CCDC7: variants seen among roughly 807,000 people sequenced by gnomAD.
The protein encoded by CCDC7 is coiled-coil domain-containing protein 7.
CCDC7 carries 183 observed loss-of-function variants against 196.9 expected under a neutral mutation model. The observed-to-expected ratio is 0.93, with a 90% confidence interval of 0.82 to 1.05. The LOEUF (loss-of-function observed/expected upper bound fraction) is 1.05. Ranked by LOEUF, CCDC7 falls within the 50% of genes least tolerant of loss-of-function variation. The pLI, the probability that CCDC7 is intolerant of heterozygous loss-of-function variation, is 0.00. For missense variants in CCDC7, 1,540 were observed against 1,482.2 expected (o/e 1.04, Z -0.64); for synonymous variants, 525 against 484.6 (o/e 1.08, Z -1.10).
intron 5 of CCDC7, among the ~76,000 whole-genome samples, chr10:32,469,923 TGAA>T (rs1429195647): frequency 2.6e-5 from 4 of 152,090 alleles, no homozygotes; most frequent in Admixed American, 2.0e-4. Flanking sequence ...GACAAGACAA[TGAA>T]GAATAGATTT....
chr10:32,457,978 G>A (rs1377802886), intron 3 of CCDC7, among the ~76,000 whole-genome samples: 1 of 151,618 alleles, frequency 6.6e-6, no homozygotes, highest in Non-Finnish European at 1.5e-5. Context: ...TCTGAAGATT[G>A]TCTTTTCACT....
chr10:32,739,968 T>A (rs908696392), intron 28 of CCDC7, among the ~76,000 whole-genome samples: 2 of 152,068 alleles, frequency 1.3e-5, no homozygotes, highest in African/African-American at 2.4e-5. Context: ...ATTAATGTGG[T>A]GATAAGATGT....
At chr10:32,645,547 T>G (rs2067623828) in intron 20 of CCDC7, among the ~76,000 whole-genome samples, 1 of 150,086 alleles carries the variant, frequency 6.7e-6, no homozygotes, top group Non-Finnish European at 1.5e-5. Flanking sequence ...AATGCTGGCC[T>G]TGTAGAATGT....
intron 28 of CCDC7, among the ~76,000 whole-genome samples, chr10:32,757,088 C>A (rs1196052030): frequency 6.6e-6 from 1 of 152,056 alleles, no homozygotes; most frequent in Non-Finnish European, 1.5e-5. Context: ...ACAGGAGCAC[C>A]CAGATTCATA....
At chr10:32,852,828 G>A (rs954526458) in intron 40 of CCDC7, among the ~76,000 whole-genome samples, 1 of 152,158 alleles carries the variant, frequency 6.6e-6, no homozygotes, top group Admixed American at 6.5e-5. Context: ...GCAAATGAAT[G>A]TAAGCAAAGA....
At chr10:32,533,200 A>G (rs573348154) in intron 11 of CCDC7, among the ~76,000 whole-genome samples, 1 of 151,480 alleles carries the variant, frequency 6.6e-6, no homozygotes, top group Non-Finnish European at 1.5e-5. Flanking sequence ...TTTTAAAGAG[A>G]TGATAATTTA....
At chr10:32,647,196 C>T (rs942306523) in intron 20 of CCDC7, among the ~76,000 whole-genome samples, 1 of 152,180 alleles carries the variant, frequency 6.6e-6, no homozygotes, top group South Asian at 2.1e-4. Context: ...TACATTCCTA[C>T]CAACAGTGTT....
At chr10:32,527,182 G>A (rs2048805400) in intron 11 of CCDC7, among the ~76,000 whole-genome samples, 1 of 152,132 alleles carries the variant, frequency 6.6e-6, no homozygotes, top group African/African-American at 2.4e-5. Flanking sequence ...ATTCTCTGCT[G>A]TGACAGGGCA....
intron 20 of CCDC7, among the ~76,000 whole-genome samples, chr10:32,637,278 G>T (rs1323645542): frequency 6.6e-6 from 1 of 152,074 alleles, no homozygotes; most frequent in Non-Finnish European, 1.5e-5. Flanking sequence ...CATTGCTTTT[G>T]GTGTTTTAGA....
chr10:32,485,772 A>T (rs1229504297), intron 8 of CCDC7, among the ~76,000 whole-genome samples: 2 of 152,154 alleles, frequency 1.3e-5, no homozygotes, highest in African/African-American at 4.8e-5. Flanking sequence ...GTCATTCAGG[A>T]GCAGGTTGTT....
intron 41 of CCDC7, among the ~76,000 whole-genome samples, chr10:32,862,537 C>A (rs189265252): frequency 6.6e-6 from 1 of 151,488 alleles, no homozygotes; most frequent in Admixed American, 6.6e-5. Context: ...TGCACATGTA[C>A]CCCAGAACTT....
chr10:32,808,408 A>G (rs1247452898), intron 30 of CCDC7, among the ~76,000 whole-genome samples: 1 of 151,802 alleles, frequency 6.6e-6, no homozygotes, highest in East Asian at 1.9e-4. Context: ...GCATCTGTGC[A>G]CTCTTCCTGG....
At chr10:32,467,171 C>T (rs1323969944) in intron 5 of CCDC7, among the ~76,000 whole-genome samples, 12 of 151,726 alleles carry the variant, frequency 7.9e-5, no homozygotes, top group Non-Finnish European at 1.3e-4. Flanking sequence ...ACACAATCTC[C>T]GCTCACTGCA....
Position 32,683,513 on chromosome 10 carries a change from T to C in CCDC7, c.2123-2457T>C, listed in dbSNP as rs76392131. Among the ~76,000 whole-genome samples, 109 of 152,346 alleles carry C rather than the reference T, an allele frequency of 7.2e-4. 2 individuals are homozygous for C. In the East Asian group the frequency reaches 0.019, roughly 27 times the overall value. On this transcript the variant is annotated intron_variant, in intron 21 of 41. Coordinates refer to ENST00000639629, the Ensembl canonical transcript of CCDC7. ...TCCATATGAATTTTAGAATAGGTTTTTCTTATTCTGTAGTTTGATAGGAAT... is the reference window on the plus strand; with the variant it reads ...TCCATATGAATTTTAGAATAGGTTTCTCTTATTCTGTAGTTTGATAGGAAT...
At chr10:32,492,627 A>G (rs1256233873) in intron 9 of CCDC7, among the ~76,000 whole-genome samples, 2 of 152,104 alleles carry the variant, frequency 1.3e-5, no homozygotes, top group Non-Finnish European at 2.9e-5. Context: ...TGAGGTATCT[A>G]GAGTAGTGTC....
intron 11 of CCDC7, among the ~76,000 whole-genome samples, chr10:32,524,844 G>A (rs914786378): frequency 4.6e-5 from 7 of 152,126 alleles, no homozygotes; most frequent in Admixed American, 3.3e-4. Flanking sequence ...TGATTGTTAC[G>A]TACCTTGAGG....
chr10:32,707,709 C>T (rs866654712), intron 24 of CCDC7, among the ~76,000 whole-genome samples: 10 of 152,242 alleles, frequency 6.6e-5, no homozygotes, highest in South Asian at 2.1e-4. Flanking sequence ...CATGAGTGAA[C>T]TCCCATTCAC....
intron 32 of CCDC7, among the ~76,000 whole-genome samples, chr10:32,830,517 G>A (rs937543105): frequency 5.9e-5 from 9 of 151,994 alleles, no homozygotes; most frequent in African/African-American, 9.7e-5. Context: ...AAAAGAATTC[G>A]TAAAATCTAT....
intron 21 of CCDC7, among the ~76,000 whole-genome samples, chr10:32,673,667 G>GTGTGTGTGTC (rs1554979025): frequency 6.6e-6 from 1 of 151,050 alleles, no homozygotes; most frequent in Non-Finnish European, 1.5e-5. Flanking sequence ...GTGTGTGTGT[G>GTGTGTGTGTC]TGTGTGTGTG....
Sources: gnomAD v4.1 joint callset for allele counts (sites outside exome capture counted in the v4.1 genomes callset) on GRCh38, gnomAD v4.1.1 for gene constraint, MANE v1.5 for transcripts, NCBI Gene and HGNC (gene_info 2026-07-23, HGNC 2026-07-21) for gene names.